The following PCNX2 variants were observed in gnomAD, a reference collection of about 807,000 sequenced individuals.
The protein encoded by PCNX2 is pecanex 2.
A neutral mutation model predicts 223.8 loss-of-function variants in PCNX2; 168 were observed. That is an observed-to-expected ratio of 0.75 (90% confidence interval 0.66 to 0.85). PCNX2 has a LOEUF of 0.85. Ranked by LOEUF, PCNX2 falls within the 40% of genes least tolerant of loss-of-function variation. The pLI is 0.00. For synonymous variants in PCNX2, 1,006 were observed against 1,052.6 expected (o/e 0.96, Z 0.86); for missense variants, 2,507 against 2,675.5 (o/e 0.94, Z 1.39).
In PCNX2 at chr1:233,263,028, T is replaced by C. The variant is rs1157171467; in HGVS notation, c.289A>G (p.Arg97Gly). Reference sequence around the variant, plus strand: ...TCTTTATTTGGCTTTTCTTCCTTTCTGGAGGGCTTTTGCTGAATTACTTCT... The same window carrying C: ...TCTTTATTTGGCTTTTCTTCCTTTCCGGAGGGCTTTTGCTGAATTACTTCT... ...KGEVIQQKPS[R>G]KEEKPNKDKE... The change falls in exon 2 of 34, where the codon AGA becomes GGA. Residue 97 changes from arginine to glycine, a missense_variant. This residue lies in a region of PCNX2 where 1,031 missense variants were observed against 1,021.7 expected (regional missense o/e 1.01). Transcript: ENST00000258229. 57 of 1,613,834 alleles carry C rather than the reference T, an allele frequency of 3.5e-5. No individual in the cohort carries two copies. The highest frequency in any genetic ancestry group is 4.8e-5 in the Non-Finnish European group (57 of 1,179,822).
intron 25 of PCNX2, among the ~76,000 whole-genome samples, chr1:233,041,145 T>G (rs1463198090): frequency 6.6e-6 from 1 of 152,190 alleles, no homozygotes; most frequent in Non-Finnish European, 1.5e-5. Flanking sequence ...AACCCAGTCT[T>G]GGTTAACTCT....
In PCNX2 at chr1:233,126,502, GGTGTGTGTGTGTGTTTGTGT is replaced by G. The variant is rs1449389070; in HGVS notation, c.3837+8491_3837+8510del. Reference sequence around the variant, plus strand: ...ACCTATTGATATTTTAAATTTGTGTGGTGTGTGTGTGTGTTTGTGTGTGTGTGTGTGTGTGTAAATATACC... The same window carrying G: ...ACCTATTGATATTTTAAATTTGTGTGGTGTGTGTGTGTGTGTAAATATACC... On this transcript the variant is annotated intron_variant, in intron 21 of 33. Coordinates refer to ENST00000258229, the MANE Select transcript of PCNX2 (RefSeq NM_014801.4). This position sits in a 1 kb window ranked among gnomAD's most constrained non-coding sequence, Gnocchi z 4.8. 1.5e-4 allele frequency among the ~76,000 whole-genome samples: 22 copies of G among 145,482 alleles called. No individual in the cohort carries two copies. In the Admixed American group the frequency reaches 1.6e-3, roughly 10 times the overall value.
chr1:233,079,004 C>A (rs1403770858), intron 23 of PCNX2, among the ~76,000 whole-genome samples: 3 of 152,082 alleles, frequency 2.0e-5, no homozygotes, highest in Non-Finnish European at 4.4e-5. Flanking sequence ...CATTCAGACA[C>A]AAATTCTAGG....
At chr1:233,053,613 T>C (rs6656136) in intron 25 of PCNX2, among the ~76,000 whole-genome samples, 56,295 of 151,996 alleles carry the variant, frequency 0.37, 13,777 homozygotes, top group African/African-American at 0.7. Context: ...TCAGAAAACA[T>C]GCAATGAGTA....
At chr1:233,322,207 A>G in the PCNX2 span, among the ~76,000 whole-genome samples, 4 of 151,924 alleles carry the variant, frequency 2.6e-5, no homozygotes, top group African/African-American at 9.7e-5. Context: ...CATTCTTGCC[A>G]CCATCTGTTT....
At chr1:233,289,596 TA>T (rs2103027800) in intron 1 of PCNX2, 1 of 600,146 alleles carries the variant, frequency 1.7e-6, no homozygotes, top group East Asian at 2.8e-5. Flanking sequence ...GACATTCAGG[TA>T]AATTATGGAG....
At chr1:233,259,805 C>T (rs903056280) in intron 4 of PCNX2, 102 of 872,488 alleles carry the variant, frequency 1.2e-4, no homozygotes, top group East Asian at 8.5e-4. Flanking sequence ...TTCTTATTTA[C>T]GGCTGCATTG....
In PCNX2 at chr1:233,235,957, A is replaced by AAAATATATATATATAT. The variant is rs369886650; in HGVS notation, c.2358+887_2358+888insATATATATATATATTT. On this transcript the variant is annotated intron_variant, in intron 9 of 33. Coordinates refer to ENST00000258229, the MANE Select transcript of PCNX2 (RefSeq NM_014801.4). The stretch of plus-strand genomic sequence containing the variant: ...ATGTGGCAAAGCAATCATAAAAAAA[A>AAAATATATATATATAT]ATATATATATATATATATATATATA... Among the ~76,000 whole-genome samples, 289 of 93,014 alleles carry AAAATATATATATATAT rather than the reference A, an allele frequency of 3.1e-3. 1 individual carries two copies. The highest frequency in any genetic ancestry group is 3.8e-3 in the Non-Finnish European group (176 of 45,904). The allele number at this position is 93,014 out of a possible 152,430, so 61.0% of individuals were successfully genotyped here.
At chr1:233,276,938 T>C (rs765247892) in intron 1 of PCNX2, among the ~76,000 whole-genome samples, 25 of 152,314 alleles carry the variant, frequency 1.6e-4, no homozygotes, top group Non-Finnish European at 3.1e-4. Flanking sequence ...TTAAAAGTAA[T>C]TTATTTTTGC....
At chr1:233,183,867 T>C (rs1181788515) in intron 15 of PCNX2, among the ~76,000 whole-genome samples, 1 of 152,188 alleles carries the variant, frequency 6.6e-6, no homozygotes, top group Non-Finnish European at 1.5e-5. Flanking sequence ...TGCACACAAA[T>C]GCAGAACGTG....
In PCNX2 at chr1:232,987,497, G is replaced by T. The variant is rs1237705660; in HGVS notation, c.5792-957C>A. Among the ~76,000 whole-genome samples the T allele has an allele frequency of 2.6e-5, 4 of 152,178 alleles. No individual in the cohort carries two copies. In the East Asian group the frequency reaches 7.7e-4, roughly 29 times the overall value. The stretch of plus-strand genomic sequence containing the variant: ...TAGTGACATCATGGTTCTATGAACG[G>T]CATCATGGGCATATCCCTGCAGCTG... On this transcript the variant is annotated intron_variant, in intron 32 of 33. Coordinates refer to ENST00000258229, the MANE Select transcript of PCNX2 (RefSeq NM_014801.4).
At chr1:233,267,325 A>G (rs1660394656) in intron 1 of PCNX2, among the ~76,000 whole-genome samples, 1 of 152,182 alleles carries the variant, frequency 6.6e-6, no homozygotes. Context: ...CCATCTCACA[A>G]AAAACAAACA....
In PCNX2 at chr1:233,295,359, C is replaced by A; in HGVS notation, c.120G>T (p.Leu40=). 1 of 1,570,030 alleles carries A rather than the reference C, an allele frequency of 6.4e-7. No homozygotes were observed. The highest frequency in any genetic ancestry group is 1.9e-5 in the Admixed American group (1 of 53,700). The stretch of plus-strand genomic sequence containing the variant: ...GGGCCAGGGGCAGCAGCAGGAGGAA[C>A]AGCCACAGGTAGAGGTGGCAGCTGT... ...FTNSCHLYLW[L]FLLLLPLALH... Residue 40 remains leucine (L), a synonymous_variant, in exon 1 of 34, where the codon CTG becomes CTT. Transcript: ENST00000258229. This position sits in a 1 kb window ranked among gnomAD's most constrained non-coding sequence, Gnocchi z 4.1.
intron 32 of PCNX2, among the ~76,000 whole-genome samples, chr1:232,993,965 G>A (rs533263474): frequency 2.6e-5 from 4 of 152,336 alleles, no homozygotes; most frequent in Admixed American, 1.3e-4. Flanking sequence ...AGATTTCAGA[G>A]GAGGTATGGA....
chr1:232,990,551 C>T lies in PCNX2; in HGVS notation c.5792-4011G>A, dbSNP rs1198049473. ...CTGAGACCCAAGGGCTTTGCACCCT[C>T]GCCCTCTAGGGAAGCTGTAGTGTAA... On this transcript the variant is annotated intron_variant, in intron 32 of 33. Transcript: ENST00000258229. The surrounding 1 kb of genome is among the most constrained non-coding windows in gnomAD (Gnocchi z 4.3). 6.6e-6 allele frequency among the ~76,000 whole-genome samples: 1 copy of T among 152,190 alleles called. No homozygotes were observed. The highest frequency in any genetic ancestry group is 2.4e-5 in the African/African-American group (1 of 41,454).
intron 13 of PCNX2, chr1:233,202,341 ATAGT>A (rs1251410648): frequency 2.9e-6 from 1 of 339,266 alleles, no homozygotes; most frequent in African/African-American, 2.2e-5. Flanking sequence ...CTTAATAATT[ATAGT>A]CAATGCAGAA....
intron 15 of PCNX2, among the ~76,000 whole-genome samples, chr1:233,197,438 C>A (rs534609109): frequency 6.6e-6 from 1 of 152,046 alleles, no homozygotes; most frequent in Middle Eastern, 3.2e-3. Flanking sequence ...AGTACTTTTC[C>A]TAAATGAAGT....
intron 12 of PCNX2, among the ~76,000 whole-genome samples, chr1:233,209,602 T>C (rs908557254): frequency 1.2e-4 from 18 of 152,338 alleles, no homozygotes; most frequent in African/African-American, 4.3e-4. Flanking sequence ...ACACGTTATA[T>C]TTAGAAATGC....
intron 25 of PCNX2, among the ~76,000 whole-genome samples, chr1:233,041,120 A>G (rs2102857874): frequency 6.6e-6 from 1 of 152,246 alleles, no homozygotes; most frequent in South Asian, 2.1e-4. Flanking sequence ...CAGCTTCTTG[A>G]CACTCACTTG....
Sources: allele counts gnomAD v4.1 joint callset (sites outside exome capture counted in the v4.1 genomes callset), GRCh38; gene constraint gnomAD v4.1.1; regional missense constraint gnomAD v4.1.1; non-coding constraint Gnocchi (gnomAD v3.1); transcripts MANE v1.5; gene names NCBI Gene and HGNC (gene_info 2026-07-23, HGNC 2026-07-21).